The following HCRTR2 variants were observed in gnomAD, a reference collection of about 807,000 sequenced individuals.
The protein encoded by HCRTR2 is orexin receptor type 2.
Under a neutral mutation model 49.0 loss-of-function variants are expected in HCRTR2, and 22 were observed. The ratio of observed to expected loss-of-function variants is 0.45; its 90% CI spans 0.32 to 0.64. The LOEUF is 0.64. Ranked by LOEUF, HCRTR2 falls within the 30% of genes least tolerant of loss-of-function variation. The pLI, the probability that HCRTR2 is intolerant of heterozygous loss-of-function variation, is 0.04. For missense variants in HCRTR2, 491 were observed against 559.4 expected (o/e 0.88, Z 1.23); for synonymous variants, 236 against 205.3 (o/e 1.15, Z -1.28).
intron 5 of HCRTR2, among the ~76,000 whole-genome samples, chr6:55,277,830 A>G (rs1767108511): frequency 1.3e-5 from 2 of 152,182 alleles, no homozygotes; most frequent in South Asian, 4.1e-4. Context: ...TGGCAGACAT[A>G]AAACAGATGT....
At chr6:55,211,912 G>A (rs935251929) in intron 1 of HCRTR2, among the ~76,000 whole-genome samples, 1 of 152,120 alleles carries the variant, frequency 6.6e-6, no homozygotes, top group Admixed American at 6.6e-5. Flanking sequence ...GCGACACCTT[G>A]CCAGGGAGCC....
chr6:55,243,833 T>C (rs1766380840), intron 1 of HCRTR2, among the ~76,000 whole-genome samples: 1 of 152,140 alleles, frequency 6.6e-6, no homozygotes, highest in African/African-American at 2.4e-5. Flanking sequence ...GAATGCAATT[T>C]ATGGCCATGA....
At chr6:55,106,788 C>T (rs1442212961) in intron 1 of HCRTR2, among the ~76,000 whole-genome samples, 1 of 152,042 alleles carries the variant, frequency 6.6e-6, no homozygotes, top group Non-Finnish European at 1.5e-5. Context: ...TGACAAAACC[C>T]TGGGTTAAAT....
intron 1 of HCRTR2, among the ~76,000 whole-genome samples, chr6:55,193,494 A>G (rs1297440482): frequency 6.6e-6 from 1 of 151,826 alleles, no homozygotes; most frequent in Non-Finnish European, 1.5e-5. Context: ...CAAAGAAACA[A>G]CAACAACAAC....
chr6:55,242,580 A>G (rs897720894), intron 1 of HCRTR2, among the ~76,000 whole-genome samples: 3 of 152,222 alleles, frequency 2.0e-5, no homozygotes, highest in African/African-American at 4.8e-5. Flanking sequence ...TGGTCCACTA[A>G]TTATGTACCA....
intron 1 of HCRTR2, among the ~76,000 whole-genome samples, chr6:55,166,939 T>C (rs2127265399): frequency 8.1e-6 from 1 of 123,320 alleles, no homozygotes; most frequent in East Asian, 2.7e-4. Context: ...GTGAAAGACA[T>C]AAGACACAAA....
chr6:55,142,513 G>A (rs1322218429), intron 1 of HCRTR2, among the ~76,000 whole-genome samples: 2 of 151,532 alleles, frequency 1.3e-5, no homozygotes, highest in Non-Finnish European at 2.9e-5. Context: ...GGCCTCAACT[G>A]ATCATTTAAT....
intron 1 of HCRTR2, among the ~76,000 whole-genome samples, chr6:55,244,178 TC>T (rs1766388032): frequency 6.6e-6 from 1 of 152,036 alleles, no homozygotes; most frequent in Admixed American, 6.5e-5. Flanking sequence ...CTATTGGCCA[TC>T]TGAGAATTTT....
At chr6:55,224,826 G>A (rs1371607537) in intron 1 of HCRTR2, among the ~76,000 whole-genome samples, 9 of 152,128 alleles carry the variant, frequency 5.9e-5, no homozygotes, top group Admixed American at 5.9e-4. Context: ...GAAATATAGA[G>A]TAGAATGGTG....
chr6:55,208,328 A>AAT (rs1765639721), intron 1 of HCRTR2, among the ~76,000 whole-genome samples: 1 of 136,474 alleles, frequency 7.3e-6, no homozygotes, highest in African/African-American at 2.8e-5. Flanking sequence ...ATAAAAAAAT[A>AAT]AAAAAAAAAA....
At chr6:55,212,713 G>T (rs372611864) in intron 1 of HCRTR2, among the ~76,000 whole-genome samples, 2 of 152,164 alleles carry the variant, frequency 1.3e-5, no homozygotes, top group Non-Finnish European at 2.9e-5. Flanking sequence ...TCCACAAGAT[G>T]CTGAACCAAC....
chr6:55,143,742 T>C (rs951780708), intron 1 of HCRTR2, among the ~76,000 whole-genome samples: 12 of 136,696 alleles, frequency 8.8e-5, no homozygotes, highest in East Asian at 5.9e-4. Context: ...ATTTAATACA[T>C]AGAAAAATGA....
intron 1 of HCRTR2, among the ~76,000 whole-genome samples, chr6:55,107,664 G>A (rs545752230): frequency 2.6e-5 from 4 of 151,684 alleles, no homozygotes; most frequent in East Asian, 3.9e-4. Flanking sequence ...CAAAATGTTT[G>A]ACTTGCTTCA....
chr6:55,122,740 G>A (rs868066299), intron 1 of HCRTR2, among the ~76,000 whole-genome samples: 3 of 152,080 alleles, frequency 2.0e-5, no homozygotes, highest in Middle Eastern at 6.8e-3. Context: ...ATGATAGACT[G>A]GATTAAGAAA....
At chr6:55,123,271 A>T (rs988201227) in intron 1 of HCRTR2, among the ~76,000 whole-genome samples, 1 of 152,214 alleles carries the variant, frequency 6.6e-6, no homozygotes, top group East Asian at 1.9e-4. Flanking sequence ...GGTTTGTCAT[A>T]AATAGCTCTT....
At position 55,234,461 on chromosome 6, in the gene HCRTR2, T is replaced by C. The variant is rs111564523; in HGVS notation, c.224-14178T>C. Reference sequence around the variant, plus strand: ...AGAAATGGCTAGATTAATTTGAGGATTACCTAGTGTTAAAATAAGTCCAGA... The same window carrying C: ...AGAAATGGCTAGATTAATTTGAGGACTACCTAGTGTTAAAATAAGTCCAGA... On this transcript the variant is annotated intron_variant, in intron 1 of 6. Coordinates refer to ENST00000370862, the MANE Select transcript of HCRTR2 (RefSeq NM_001384272.1). 1.5e-3 allele frequency among the ~76,000 whole-genome samples: 236 copies of C among 152,268 alleles called. 3 individuals carry two copies. Among genetic ancestry groups the C allele is most frequent in the African/African-American group, 5.4e-3 (224 of 41,580 alleles).
At chr6:55,118,549 C>A (rs540359892) in intron 1 of HCRTR2, among the ~76,000 whole-genome samples, 1 of 151,968 alleles carries the variant, frequency 6.6e-6, no homozygotes, top group Non-Finnish European at 1.5e-5. Flanking sequence ...TCTCCACAAC[C>A]GTGCCAGCAT....
Position 55,222,025 on chromosome 6 carries a change from A to G in HCRTR2, c.224-26614A>G, listed in dbSNP as rs528689559. On this transcript the variant is annotated intron_variant, in intron 1 of 6. Transcript: ENST00000370862. ...AAGAAAAAACAGAGTGTAAAAGCAA[A>G]CCATGAAATGGGAGAGAATATTTGC... 1.8e-4 allele frequency among the ~76,000 whole-genome samples: 27 copies of G among 152,238 alleles called. No individual in the cohort carries two copies. In the South Asian group the frequency reaches 5.4e-3, roughly 30 times the overall value.
At chr6:55,259,849 T>C (rs1335435895) in intron 3 of HCRTR2, among the ~76,000 whole-genome samples, 2 of 152,122 alleles carry the variant, frequency 1.3e-5, no homozygotes, top group Non-Finnish European at 2.9e-5. Flanking sequence ...GCTTATGAAG[T>C]ACAGAAAGAC....
Sources: allele counts gnomAD v4.1 joint callset (sites outside exome capture counted in the v4.1 genomes callset), GRCh38; gene constraint gnomAD v4.1.1; transcripts MANE v1.5; gene names NCBI Gene and HGNC (gene_info 2026-07-23, HGNC 2026-07-21).